DHRS1: variants seen among roughly 807,000 people sequenced by gnomAD.
The protein encoded by DHRS1 is dehydrogenase/reductase SDR family member 1.
DHRS1 carries 34 observed loss-of-function variants against 35.2 expected under a neutral mutation model. That is an observed-to-expected ratio of 0.97 (90% confidence interval 0.74 to 1.29). DHRS1 has a LOEUF of 1.29. Ranked by LOEUF, DHRS1 falls within the 50% of genes most tolerant of loss-of-function variation. The probability of loss-of-function intolerance (pLI) is 0.00; values close to 1 mark genes in which losing one functional copy is unlikely to be tolerated. For synonymous variants in DHRS1, 133 were observed against 160.0 expected, an observed-to-expected ratio of 0.83 and a Z score of 1.27; for missense variants, 354 against 403.6, an observed-to-expected ratio of 0.88 and a Z score of 1.05.
At position 24,291,220 on chromosome 14, in the gene DHRS1, C is replaced by A; in HGVS notation, c.725-1G>T. On this transcript the variant is annotated splice_acceptor_variant, in intron 7 of 8. Transcript: ENST00000288111. LOFTEE classifies it high-confidence loss of function. ...CCACTCAGGCTCAGGATATTGGGAT[C>A]TGCGGGCACACAGACAGGTGGAGAT... 1 of 1,614,134 alleles carries A rather than the reference C, an allele frequency of 6.2e-7. No homozygotes were observed. Among genetic ancestry groups the A allele is most frequent in the Non-Finnish European group, 8.5e-7 (1 of 1,180,012 alleles).
In DHRS1 at chr14:24,299,773, A is replaced by T; in HGVS notation, c.-217T>A. ...AGTTAGAACCTGCGGATGGGGGCGG[A>T]GCGATCTGGGTGACACACCCACCCC... On this transcript the variant is annotated 5_prime_UTR_variant, in exon 1 of 9. Coordinates refer to ENST00000288111, the MANE Select transcript of DHRS1 (RefSeq NM_001136050.3). The T allele has an allele frequency of 1.5e-6, 1 of 688,844 alleles. No homozygotes were observed. Among genetic ancestry groups the T allele is most frequent in the Non-Finnish European group, 2.3e-6 (1 of 434,304 alleles). The allele number at this position is 688,844 out of a possible 1,614,324, so 42.7% of individuals were successfully genotyped here.
intron 2 of DHRS1, 112 bp downstream of exon 2, chr14:24,298,845 C>T (rs2041310214): frequency 2.5e-6 from 3 of 1,197,070 alleles, no homozygotes; most frequent in Non-Finnish European, 2.2e-6. Context: ...TAAATATTCA[C>T]ATCTTGTTGA....
chr14:24,290,767 T>G lies in DHRS1; in HGVS notation c.*92A>C. On this transcript the variant is annotated 3_prime_UTR_variant, in exon 9 of 9. Transcript: ENST00000288111. ...CTTCTCTTCATATCAAGGGTATGGG[T>G]AAACAAGAAAGGCTGCTGTTTCACT... 2 of 1,531,220 alleles carry G rather than the reference T, an allele frequency of 1.3e-6. No individual in the cohort carries two copies. Among genetic ancestry groups the G allele is most frequent in the Non-Finnish European group, 1.8e-6 (2 of 1,114,952 alleles). The allele number at this position is 1,531,220 out of a possible 1,614,324, so 94.9% of individuals were successfully genotyped here.
intron 2 of DHRS1, among the ~76,000 whole-genome samples, chr14:24,297,694 A>C (rs1288656256): frequency 6.6e-6 from 1 of 151,826 alleles, no homozygotes; most frequent in African/African-American, 2.4e-5. Context: ...GTCTTCCAAG[A>C]CCCACTCTTT....
At chr14:24,291,516 T>A in intron 7 of DHRS1, 40 bp downstream of exon 7, 1 of 1,603,854 alleles carries the variant, frequency 6.2e-7, no homozygotes, top group Non-Finnish European at 8.5e-7. Flanking sequence ...CTACACATCC[T>A]CCATGCCCTT....
rs1467385603 is a variant in DHRS1 at position 24,299,604 on chromosome 14, G to A, written c.-48C>T. 1 of 279,656 alleles carries A rather than the reference G, an allele frequency of 3.6e-6. No homozygotes were observed. The highest frequency in any genetic ancestry group is 6.8e-6 in the Non-Finnish European group (1 of 148,044). 17.3% of individuals were successfully genotyped at this position (279,656 alleles called of 1,614,324 possible). On this transcript the variant is annotated 5_prime_UTR_variant, in exon 1 of 9. Coordinates refer to ENST00000288111, the MANE Select transcript of DHRS1 (RefSeq NM_001136050.3). Reference sequence around the variant, plus strand: ...ACCTGCCACCTGCGCTGCCGCTGAGGTCTGCAGATTGCGGGGCTGCGGTGG... The same window carrying A: ...ACCTGCCACCTGCGCTGCCGCTGAGATCTGCAGATTGCGGGGCTGCGGTGG...
At position 24,298,997 on chromosome 14, in the gene DHRS1, G is replaced by C. The variant is rs140692443; in HGVS notation, c.110C>G (p.Thr37Ser). 3 of 1,613,458 alleles carry C rather than the reference G, an allele frequency of 1.9e-6. No individual in the cohort carries two copies. Among genetic ancestry groups the C allele is most frequent in the African/African-American group, 2.7e-5 (2 of 74,952 alleles). ...GCGAAGGGTGTCCAGATGGCGGCCA[G>C]TGATGTAAACTGTGGCGCCTGCTTT... ...LCKAGATVYITGRHLDTLRVV... is the reference protein window; with the variant it reads ...LCKAGATVYISGRHLDTLRVV... The change falls in exon 2 of 9, where the codon ACT becomes AGT. Residue 37 changes from threonine to serine, a missense_variant. Coordinates refer to ENST00000288111, the MANE Select transcript of DHRS1 (RefSeq NM_001136050.3).
intron 7 of DHRS1, 166 bp downstream of exon 7, chr14:24,291,390 G>C (rs1200369794): frequency 9.6e-7 from 1 of 1,043,832 alleles, no homozygotes; most frequent in Non-Finnish European, 1.5e-6. Context: ...CTGCTCCTAA[G>C]GCTCTCAGAC....
At chr14:24,292,431 TCCCAGGAGC>T (rs1363682520) in intron 5 of DHRS1, 101 bp from the exon 6 acceptor site, 1 of 1,544,566 alleles carries the variant, frequency 6.5e-7, no homozygotes, top group Non-Finnish European at 8.8e-7. Context: ...ACCCTGTCCT[TCCCAGGAGC>T]CCCAAGGTCT....
rs572921871 is a variant in DHRS1, at chr14:24,298,889, A to AG, written c.150+67dup. On this transcript the variant is annotated intron_variant, in intron 2 of 8. Transcript: ENST00000288111. The stretch of plus-strand genomic sequence containing the variant: ...ATAGTTTCAGGTAAGGGATTAGGAA[A>AG]GGAGCTGTTAAGTGGAAGGGCTCTC... The AG allele has an allele frequency of 1.8e-4, 265 of 1,498,590 alleles. No homozygotes were observed. In the African/African-American group the frequency reaches 3.3e-3, roughly 19 times the overall value. The allele number at this position is 1,498,590 out of a possible 1,614,324, so 92.8% of individuals were successfully genotyped here. A position where few individuals can be genotyped will look rare whatever the true frequency, so the allele number is the denominator to read the frequency against.
chr14:24,292,071 G>T, intron 6 of DHRS1, 113 bp downstream of exon 6: 4 of 1,331,280 alleles, frequency 3.0e-6, no homozygotes, highest in Non-Finnish European at 4.3e-6. Context: ...CCCATGCTCA[G>T]CCCTGCACCT....
At position 24,299,058 on chromosome 14, in the gene DHRS1, T is replaced by G; in HGVS notation, c.49A>C (p.Arg17=). The G allele has an allele frequency of 6.2e-7, 1 of 1,614,020 alleles. No homozygotes were observed. The part of the protein sequence containing the change: ...GQVCVVTGAS[R]GIGRGIALQL... ...AAGGCAATGCCACGGCCAATACCCCTGGAGGCACCAGTCACCACACACACT... is the reference window on the plus strand; with the variant it reads ...AAGGCAATGCCACGGCCAATACCCCGGGAGGCACCAGTCACCACACACACT... Residue 17 remains arginine (R), a synonymous_variant, in exon 2 of 9, where the codon AGG becomes CGG. Coordinates refer to ENST00000288111, the MANE Select transcript of DHRS1 (RefSeq NM_001136050.3).
intron 4 of DHRS1, chr14:24,294,649 G>C (rs2041219363): frequency 6.6e-6 from 1 of 152,088 alleles, no homozygotes; most frequent in African/African-American, 2.4e-5. Context: ...GAGTATGCGT[G>C]TGAAAAATGA....
In DHRS1 at chr14:24,298,663, A is replaced by G. The variant is rs947880586; in HGVS notation, c.150+294T>C. The G allele has an allele frequency of 8.0e-5, 24 of 300,820 alleles. 1 individual carries two copies. Among genetic ancestry groups the G allele is most frequent in the Middle Eastern group, 1.0e-3 (1 of 982 alleles). The allele number at this position is 300,820 out of a possible 1,614,324, so 18.6% of individuals were successfully genotyped here. A position where few individuals can be genotyped will look rare whatever the true frequency, so the allele number is the denominator to read the frequency against. On this transcript the variant is annotated intron_variant, in intron 2 of 8. Coordinates refer to ENST00000288111, the MANE Select transcript of DHRS1 (RefSeq NM_001136050.3). ...GAGTGCAGTGGTGTGATCATGGCTC[A>G]ACTCCTAGGCTCAAGCGATCCTCCT... is the stretch of plus-strand genomic sequence containing the variant.
rs1025651307 is a variant in DHRS1 at position 24,290,867 on chromosome 14, T to C, written c.934A>G (p.Lys312Glu). The C allele has an allele frequency of 2.5e-6, 4 of 1,613,378 alleles. No homozygotes were observed. In the Admixed American group the frequency reaches 6.7e-5, roughly 27 times the overall value. The part of the protein sequence containing the change: ...PKWIIALYTS[K>E]F ...GTGTCAGACCAGGAGGGTTAGAACT[T>C]GCTAGTGTAGAGGGCAATAATCCAC... Residue 312 changes from lysine to glutamate, a missense_variant, in exon 9 of 9, where the codon AAG (lysine) becomes GAG (glutamate). Lys to Glu is a moderately conservative substitution (Grantham distance 56). Coordinates refer to ENST00000288111, the MANE Select transcript of DHRS1 (RefSeq NM_001136050.3).
intron 5 of DHRS1, 121 bp downstream of exon 5, chr14:24,292,531 G>A: frequency 6.4e-7 from 1 of 1,557,394 alleles, no homozygotes; most frequent in Non-Finnish European, 8.8e-7. Context: ...CATGGATGAG[G>A]CAGAGGAGGA....
At chr14:24,299,520 G>A (rs1268019675) in intron 1 of DHRS1, 61 bp downstream of exon 1, 2 of 210,906 alleles carry the variant, frequency 9.5e-6, no homozygotes, top group South Asian at 1.3e-4. Flanking sequence ...CTTCCGGGCC[G>A]GGGATGAGCG....
chr14:24,299,073 CCA>C lies in DHRS1; in HGVS notation c.32_33del (p.Val11GlyfsTer59). On this transcript the variant is annotated frameshift_variant, in exon 2 of 9. Coordinates refer to ENST00000288111, the MANE Select transcript of DHRS1 (RefSeq NM_001136050.3). LOFTEE classifies it high-confidence loss of function. The stretch of plus-strand genomic sequence containing the variant: ...CCAATACCCCTGGAGGCACCAGTCA[CCA>C]CACACACTTGGCCATTCATGGGAGC... MAAPMNGQVC[V>X]VTGASRGIGR... is the part of the protein sequence containing the mutation. 1 of 1,613,964 alleles carries C rather than the reference CCA, an allele frequency of 6.2e-7. No individual in the cohort carries two copies. Among genetic ancestry groups the C allele is most frequent in the Non-Finnish European group, 8.5e-7 (1 of 1,179,878 alleles).
At chr14:24,293,058 C>T (rs2041190437) in intron 4 of DHRS1, 1 of 422,226 alleles carries the variant, frequency 2.4e-6, no homozygotes, top group Non-Finnish European at 4.2e-6. Flanking sequence ...CAAAATTGTT[C>T]AGGGGGAGAA....
Sources: gnomAD v4.1 joint callset for allele counts (sites outside exome capture counted in the v4.1 genomes callset) on GRCh38, gnomAD v4.1.1 for gene constraint, MANE v1.5 for transcripts, NCBI Gene and HGNC (gene_info 2026-07-23, HGNC 2026-07-21) for gene names.